Variants in NUP133 observed in about 807,000 individuals in gnomAD.
NUP133 encodes nucleoporin 133.
A neutral mutation model predicts 146.2 loss-of-function variants in NUP133; 66 were observed. The observed-to-expected ratio is 0.45, with a 90% CI of 0.37 to 0.55. The LOEUF (loss-of-function observed/expected upper bound fraction) is 0.55, where lower values mean the gene tolerates loss of function less well. Ranked by LOEUF, NUP133 falls within the 20% of genes least tolerant of loss-of-function variation. The pLI, the probability that NUP133 is intolerant of heterozygous loss-of-function variation, is 0.00. For missense variants in NUP133, 1,277 were observed against 1,374.8 expected (o/e 0.93, Z 1.12); for synonymous variants, 521 against 498.8 (o/e 1.04, Z -0.59).
rs1661968955 is a variant in NUP133 at position 229,507,219 on chromosome 1, T to A, written c.182+849A>T. Among the ~76,000 whole-genome samples the A allele has an allele frequency of 2.6e-5, 4 of 152,194 alleles. No individual in the cohort carries two copies. In the South Asian group the frequency reaches 8.3e-4, roughly 31 times the overall value. On this transcript the variant is annotated intron_variant, in intron 1 of 25. Transcript: ENST00000261396. ...ACTTTGAAAAGAACTTTTCAAAATA[T>A]GCCAAAAAAAGTCAAAGATACAGTG...
rs377066365 is a variant in NUP133, at chr1:229,464,794, T to C, written c.2381A>G (p.Asp794Gly). 6.4e-5 allele frequency: 104 copies of C among 1,614,124 alleles called. No individual in the cohort carries two copies. The highest frequency in any genetic ancestry group is 7.9e-5 in the Non-Finnish European group (93 of 1,180,052). ...GGTCACGATGTTTCGGAGGTTGCTG[T>C]CTGCCTGTGGATAAGCCACCTTCAG... Reference protein sequence around the residue: ...IVLKVAYPQADSNLRNIVTEQ... With the variant: ...IVLKVAYPQAGSNLRNIVTEQ... The change falls in exon 18 of 26, where the codon GAC becomes GGC. Residue 794 changes from aspartate (D) to glycine (G), a missense_variant. Transcript: ENST00000261396.
At chr1:229,503,801 G>A (rs1223988859) in intron 2 of NUP133, among the ~76,000 whole-genome samples, 2 of 152,190 alleles carry the variant, frequency 1.3e-5, no homozygotes, top group Non-Finnish European at 2.9e-5. Flanking sequence ...AAGTGGGGAA[G>A]AGTTCTTCAA....
intron 6 of NUP133, among the ~76,000 whole-genome samples, chr1:229,497,771 C>A (rs1661689880): frequency 6.6e-6 from 1 of 152,202 alleles, no homozygotes; most frequent in Admixed American, 6.5e-5. Flanking sequence ...GTCCAGCCAA[C>A]AGATCTAGAT....
intron 24 of NUP133, among the ~76,000 whole-genome samples, chr1:229,447,579 C>G (rs984425818): frequency 6.6e-6 from 1 of 152,030 alleles, no homozygotes; most frequent in South Asian, 2.1e-4. Context: ...GACTTTTCAG[C>G]CCTGTTCCTC....
rs770096040 is a variant in NUP133, at chr1:229,464,848, G to A, written c.2327C>T (p.Thr776Met). The A allele has an allele frequency of 2.7e-5, 43 of 1,614,030 alleles. No homozygotes were observed. The highest frequency in any genetic ancestry group is 6.7e-5 in the East Asian group (3 of 44,904). ...AATCTCATGCTGGCGTATTATTACC[G>A]TTCGGATGCCACCAGGACCACTTGT... ...TATSGPGGIR[T>M]VIIRQHEIVL... Residue 776 changes from threonine (T) to methionine (M), a missense_variant, in exon 18 of 26, where the codon ACG becomes ATG. By Grantham distance (81) the Thr-to-Met change is moderately conservative. Coordinates refer to ENST00000261396, the MANE Select transcript of NUP133 (RefSeq NM_018230.3).
Position 229,508,221 on chromosome 1 carries a change from G to C in NUP133, c.29C>G (p.Thr10Ser). The part of the protein sequence containing the change: MFPAAPSPR[T>S]PGTGSRRGPL... The stretch of plus-strand genomic sequence containing the variant: ...GCCCCTTCGGGACCCGGTACCCGGG[G>C]TCCGCGGAGAAGGGGCGGCTGGGAA... Residue 10 changes from threonine (T) to serine (S), a missense_variant, in exon 1 of 26, where the codon ACC becomes AGC. Thr to Ser is a moderately conservative substitution (Grantham distance 58). Coordinates refer to ENST00000261396, the MANE Select transcript of NUP133 (RefSeq NM_018230.3). The C allele has an allele frequency of 6.5e-7, 1 of 1,547,150 alleles. No homozygotes were observed. Among genetic ancestry groups the C allele is most frequent in the Non-Finnish European group, 8.7e-7 (1 of 1,149,522 alleles).
intron 8 of NUP133, among the ~76,000 whole-genome samples, chr1:229,493,489 A>T (rs932607119): frequency 4.6e-5 from 7 of 152,168 alleles, no homozygotes; most frequent in African/African-American, 1.7e-4. Context: ...TACTCACTGA[A>T]ATTATAAGCC....
intron 19 of NUP133, among the ~76,000 whole-genome samples, chr1:229,462,094 G>C (rs1405409720): frequency 6.6e-6 from 1 of 152,202 alleles, no homozygotes; most frequent in Non-Finnish European, 1.5e-5. Context: ...ATGTTGGCCA[G>C]GCTGGTCTCG....
chr1:229,460,543 A>T, intron 20 of NUP133, 68 bp downstream of exon 20: 5 of 1,487,184 alleles, frequency 3.4e-6, no homozygotes, highest in Non-Finnish European at 4.6e-6. Context: ...TTAATTACTA[A>T]AAACAAAACT....
chr1:229,495,402 C>A, intron 8 of NUP133, 93 bp downstream of exon 8: 3 of 837,334 alleles, frequency 3.6e-6, no homozygotes, highest in Non-Finnish European at 3.9e-6. Flanking sequence ...AAAGAAAGAG[C>A]ACATAGTGAG....
chr1:229,470,779 C>T lies in NUP133; in HGVS notation c.1877G>A (p.Ser626Asn). 6.2e-7 allele frequency: 1 copy of T among 1,614,118 alleles called. No homozygotes were observed. The change falls in exon 15 of 26, where the codon AGT becomes AAT. Residue 626 changes from serine to asparagine, a missense_variant. Ser to Asn is a conservative substitution (Grantham distance 46, BLOSUM62 1). This residue lies in a region of NUP133 where 952 missense variants were observed against 1,047.0 expected (regional missense o/e 0.91). Coordinates refer to ENST00000261396, the MANE Select transcript of NUP133 (RefSeq NM_018230.3). ...CATCGGTGTCCCTCTAACTGGAAAA[C>T]TGCCTAGACGTCCAAATAAGCCAAC... ...HQVGLFGRLG[S>N]FPVRGTPMAT...
At chr1:229,503,172 G>A (rs950026652) in intron 2 of NUP133, among the ~76,000 whole-genome samples, 1 of 152,024 alleles carries the variant, frequency 6.6e-6, no homozygotes, top group Non-Finnish European at 1.5e-5. Context: ...TAGCTACTCG[G>A]GAGGCTGAGG....
chr1:229,454,478 A>G (rs1358619843), intron 21 of NUP133, among the ~76,000 whole-genome samples: 3 of 152,354 alleles, frequency 2.0e-5, no homozygotes, highest in South Asian at 2.1e-4. Flanking sequence ...ACCAGTGGCT[A>G]TCTCCGGGGA....
chr1:229,496,892 G>GT (rs552601361), intron 6 of NUP133, among the ~76,000 whole-genome samples: 44 of 152,276 alleles, frequency 2.9e-4, no homozygotes, highest in Middle Eastern at 3.4e-3. Context: ...ATGTGAATTG[G>GT]TAAGTGTAGC....
At chr1:229,470,305 A>T (rs920423257) in intron 15 of NUP133, among the ~76,000 whole-genome samples, 2 of 152,026 alleles carry the variant, frequency 1.3e-5, no homozygotes, top group Non-Finnish European at 2.9e-5. Context: ...AAAAAAAAGA[A>T]GATCAGCATG....
intron 24 of NUP133, among the ~76,000 whole-genome samples, chr1:229,447,049 G>A (rs6679234): frequency 0.065 from 9,945 of 152,084 alleles, 884 homozygotes; most frequent in East Asian, 0.24. Flanking sequence ...ACTTGAATCC[G>A]GGAGGCGGAG....
chr1:229,474,491 A>G (rs755945085), intron 14 of NUP133, among the ~76,000 whole-genome samples: 1 of 152,250 alleles, frequency 6.6e-6, no homozygotes, highest in Non-Finnish European at 1.5e-5. Flanking sequence ...GAGATAAACC[A>G]TGCACAAAAT....
At chr1:229,500,138 A>T (rs1320812333) in intron 4 of NUP133, among the ~76,000 whole-genome samples, 1 of 152,192 alleles carries the variant, frequency 6.6e-6, no homozygotes, top group Non-Finnish European at 1.5e-5. Flanking sequence ...TGCTGGATAC[A>T]TGATTTGCAA....
rs546156267 is a variant in NUP133, at chr1:229,486,607, A to G, written c.1343-79T>C. ...ATGTAAAAGCTACCACCCTAAGCAG[A>G]AAATCATCTTGATGATATATTAAGC... is the stretch of plus-strand genomic sequence containing the variant. On this transcript the variant is annotated intron_variant, in intron 10 of 25. Transcript: ENST00000261396. The G allele has an allele frequency of 5.9e-6, 8 of 1,361,200 alleles. No homozygotes were observed. The Admixed American group carries it at 2.0e-4, about 34-fold the overall frequency. The allele number at this position is 1,361,200 out of a possible 1,614,324, so 84.3% of individuals were successfully genotyped here. A position where few individuals can be genotyped will look rare whatever the true frequency, so the allele number is the denominator to read the frequency against.
Sources: gnomAD v4.1 joint callset for allele counts (sites outside exome capture counted in the v4.1 genomes callset) on GRCh38, gnomAD v4.1.1 for gene constraint, gnomAD v4.1.1 regional missense constraint, MANE v1.5 for transcripts, NCBI Gene and HGNC (gene_info 2026-07-23, HGNC 2026-07-21) for gene names.